ARHGEF10: variants seen among roughly 807,000 people sequenced by gnomAD.
The protein encoded by ARHGEF10 is Rho guanine nucleotide exchange factor (GEF) 10.
A neutral mutation model predicts 147.4 loss-of-function variants in ARHGEF10; 140 were observed. The observed-to-expected ratio is 0.95, with a 90% confidence interval of 0.83 to 1.09. The LOEUF is 1.09. Ranked by LOEUF, ARHGEF10 falls within the 50% of genes least tolerant of loss-of-function variation. ARHGEF10 has a pLI of 0.00. For missense variants in ARHGEF10, 2,222 were observed against 1,752.7 expected (o/e 1.27, Z -4.78); for synonymous variants, 902 against 695.8 (o/e 1.30, Z -4.67).
At chr8:1,951,837 A>T (rs551925086) in intron 27 of ARHGEF10, among the ~76,000 whole-genome samples, 44 of 151,480 alleles carry the variant, frequency 2.9e-4, no homozygotes, top group African/African-American at 1.0e-3. Context: ...ACCCACCCTG[A>T]AACCACAGTG....
intron 7 of ARHGEF10, 145 bp from the exon 8 acceptor site, chr8:1,876,426 G>GC: frequency 1.2e-6 from 1 of 861,044 alleles, no homozygotes; most frequent in Non-Finnish European, 1.9e-6. Flanking sequence ...CATGGAGCAA[G>GC]CCCGGGGCTC....
chr8:1,930,113 G>A (rs908229495), intron 25 of ARHGEF10, among the ~76,000 whole-genome samples: 3 of 151,966 alleles, frequency 2.0e-5, no homozygotes, highest in African/African-American at 7.3e-5. Flanking sequence ...TGCTGGCTGA[G>A]GCTGCTCTCC....
Position 1,903,294 on chromosome 8 carries a change from AC to A in ARHGEF10, c.1665del (p.Asn555LysfsTer16). ...FILLLQDMLK[N>X]TSKGHPDRLP... ...TGTTGCTTGTAGGACATGCTGAAGA[AC>A]ACCTCCAAAGGCCACCCCGACAGGC... On this transcript the variant is annotated frameshift_variant, in exon 16 of 29. Transcript: ENST00000349830. LOFTEE classifies it high-confidence loss of function. 1 of 1,614,124 alleles carries A rather than the reference AC, an allele frequency of 6.2e-7. No homozygotes were observed. Among genetic ancestry groups the A allele is most frequent in the Non-Finnish European group, 8.5e-7 (1 of 1,180,038 alleles).
intron 1 of ARHGEF10, among the ~76,000 whole-genome samples, chr8:1,830,187 G>A (rs184930503): frequency 6.6e-6 from 1 of 152,080 alleles, no homozygotes; most frequent in Admixed American, 6.5e-5. Flanking sequence ...GGCTGTGTGC[G>A]CGCACCTGTA....
At chr8:1,925,550 T>C in intron 22 of ARHGEF10, 146 bp downstream of exon 22, 7 of 1,189,814 alleles carry the variant, frequency 5.9e-6, no homozygotes, top group Non-Finnish European at 8.1e-6. Flanking sequence ...AGGTCATTTA[T>C]CTGGAAATAA....
intron 4 of ARHGEF10, among the ~76,000 whole-genome samples, chr8:1,861,921 A>G (rs184732579): frequency 3.9e-5 from 6 of 152,378 alleles, no homozygotes; most frequent in African/African-American, 1.4e-4. Context: ...AAATAATTGC[A>G]TATCATTTAA....
chr8:1,867,649 C>A (rs1344523143), intron 6 of ARHGEF10, among the ~76,000 whole-genome samples: 2 of 152,220 alleles, frequency 1.3e-5, no homozygotes, highest in Non-Finnish European at 2.9e-5. Context: ...GCCAGATCTG[C>A]AGTCCCACCT....
intron 10 of ARHGEF10, among the ~76,000 whole-genome samples, chr8:1,883,095 C>T (rs1036434869): frequency 1.3e-5 from 2 of 152,328 alleles, no homozygotes; most frequent in East Asian, 1.9e-4. Context: ...CATGGTCCCG[C>T]AGGGACTGAG....
chr8:1,871,914 A>G (rs377594637), intron 7 of ARHGEF10, among the ~76,000 whole-genome samples: 5 of 152,354 alleles, frequency 3.3e-5, no homozygotes, highest in Admixed American at 2.6e-4. Flanking sequence ...CAGGAAAAAA[A>G]TAATGGGCAA....
At chr8:1,886,709 T>C (rs952536162) in intron 11 of ARHGEF10, among the ~76,000 whole-genome samples, 1 of 152,184 alleles carries the variant, frequency 6.6e-6, no homozygotes, top group African/African-American at 2.4e-5. Context: ...GTCCCTGGTG[T>C]GTTTCACTGC....
At chr8:1,887,355 C>A (rs948995253) in intron 11 of ARHGEF10, among the ~76,000 whole-genome samples, 2 of 152,222 alleles carry the variant, frequency 1.3e-5, no homozygotes, top group African/African-American at 4.8e-5. Flanking sequence ...AAGACAGCGG[C>A]CTGAGCTGAA....
chr8:1,944,168 A>G (rs1299873726), intron 26 of ARHGEF10, among the ~76,000 whole-genome samples: 2 of 149,750 alleles, frequency 1.3e-5, no homozygotes, highest in African/African-American at 5.0e-5. Context: ...TCGGGATCCC[A>G]GCTTCCCGCA....
At chr8:1,918,361 G>A (rs57048674) in intron 18 of ARHGEF10, among the ~76,000 whole-genome samples, 2,297 of 152,006 alleles carry the variant, frequency 0.015, 60 homozygotes, top group African/African-American at 0.051. Flanking sequence ...TCCATGGTCC[G>A]TAAGGTCGAG....
At chr8:1,897,575 G>A (rs994193952) in intron 14 of ARHGEF10, among the ~76,000 whole-genome samples, 9 of 150,636 alleles carry the variant, frequency 6.0e-5, no homozygotes, top group Admixed American at 5.3e-4. Flanking sequence ...CTGTCCTAAG[G>A]CATCGGATCG....
chr8:1,848,453 G>A (rs1225198834), intron 2 of ARHGEF10, among the ~76,000 whole-genome samples: 6 of 152,118 alleles, frequency 3.9e-5, no homozygotes, highest in African/African-American at 1.2e-4. Flanking sequence ...AGATTTGTCC[G>A]GGGGCTTCAG....
intron 3 of ARHGEF10, among the ~76,000 whole-genome samples, chr8:1,858,512 A>T (rs181368522): frequency 3.3e-5 from 5 of 152,340 alleles, no homozygotes; most frequent in Admixed American, 3.3e-4. Flanking sequence ...TGTATTTTGC[A>T]AAGAAAAAGT....
At chr8:1,883,791 G>C (rs1017704178) in intron 10 of ARHGEF10, among the ~76,000 whole-genome samples, 2 of 152,284 alleles carry the variant, frequency 1.3e-5, no homozygotes, top group Admixed American at 1.3e-4. Flanking sequence ...ACAGCCCCTG[G>C]AAAGCACAGG....
chr8:1,901,946 C>G (rs1019045662), intron 15 of ARHGEF10, among the ~76,000 whole-genome samples: 4 of 151,854 alleles, frequency 2.6e-5, no homozygotes, highest in Admixed American at 1.3e-4. Flanking sequence ...ACTAATATTC[C>G]TATAAACATG....
intron 15 of ARHGEF10, 144 bp from the exon 16 acceptor site, chr8:1,903,137 C>G: frequency 1.9e-6 from 2 of 1,063,516 alleles, no homozygotes; most frequent in Non-Finnish European, 2.9e-6. Context: ...AGCTCATCAT[C>G]CCTTCCCAAG....
Sources: allele counts gnomAD v4.1 joint callset (sites outside exome capture counted in the v4.1 genomes callset), GRCh38; gene constraint gnomAD v4.1.1; transcripts MANE v1.5; gene names NCBI Gene and HGNC (gene_info 2026-07-23, HGNC 2026-07-21).